Variants in ANKRD42 observed in about 807,000 individuals in gnomAD.
The protein encoded by ANKRD42 is ankyrin repeat domain-containing protein 42.
A neutral mutation model predicts 51.5 loss-of-function variants in ANKRD42; 43 were observed. The ratio of observed to expected loss-of-function variants is 0.83; its 90% CI spans 0.65 to 1.08. ANKRD42 has a LOEUF of 1.08. Among genes scored for constraint, ANKRD42 ranks in the 50% least tolerant of loss-of-function variants. The pLI is 0.00. For synonymous variants in ANKRD42, 203 were observed against 213.0 expected (o/e 0.95, Z 0.41); for missense variants, 608 against 629.3 (o/e 0.97, Z 0.36).
intron 6 of ANKRD42, among the ~76,000 whole-genome samples, chr11:83,225,412 C>T (rs923907619): frequency 6.6e-6 from 1 of 151,648 alleles, no homozygotes; most frequent in Admixed American, 6.6e-5. Flanking sequence ...ACAAAAAATA[C>T]AGAAATTAGC....
At chr11:83,203,675 A>G (rs762960748) in intron 2 of ANKRD42, among the ~76,000 whole-genome samples, 1 of 152,146 alleles carries the variant, frequency 6.6e-6, no homozygotes, top group Non-Finnish European at 1.5e-5. Context: ...TACAGGCATG[A>G]ACCACCGCGT....
At chr11:83,240,632 G>T in intron 8 of ANKRD42, 127 bp from the exon 9 acceptor site, 1 of 919,796 alleles carries the variant, frequency 1.1e-6, no homozygotes, top group Non-Finnish European at 1.6e-6. Flanking sequence ...TTCAGATTTT[G>T]GCTCCTTGGC....
downstream of ANKRD42, chr11:83,262,041 C>G: frequency 9.6e-7 from 1 of 1,044,956 alleles, no homozygotes; most frequent in South Asian, 1.6e-5. Context: ...ATAATGTTAT[C>G]TTTAAGTGAA....
chr11:83,205,874 AT>A (rs1862050263), intron 2 of ANKRD42, among the ~76,000 whole-genome samples, 183 bp from the exon 3 acceptor site: 2 of 152,196 alleles, frequency 1.3e-5, no homozygotes, highest in Non-Finnish European at 2.9e-5. Flanking sequence ...ACTAGTCTCT[AT>A]TGTTTACCCA....
At chr11:83,260,115 A>G (rs1863859955), downstream of ANKRD42, 1 of 152,230 alleles carries the variant, frequency 6.6e-6, no homozygotes, top group African/African-American at 2.4e-5. Flanking sequence ...ATGAAGAGTG[A>G]CGACAGTGTT....
chr11:83,248,625 A>C lies in ANKRD42; in HGVS notation c.*421A>C. The C allele has an allele frequency of 1.0e-6, 1 of 986,202 alleles. No individual in the cohort carries two copies. Among genetic ancestry groups the C allele is most frequent in the Non-Finnish European group, 1.2e-6 (1 of 830,492 alleles). 61.1% of individuals were successfully genotyped at this position (986,202 alleles called of 1,614,324 possible). A position where few individuals can be genotyped will look rare whatever the true frequency, so the allele number is the denominator to read the frequency against. ...TCTGTTTGAGGCTTGTGTCACCTCA[A>C]ATCTGATCTATTAATATTATAGAAT... On this transcript the variant is annotated 3_prime_UTR_variant, in exon 11 of 11. Coordinates refer to ENST00000533342, the MANE Select transcript of ANKRD42 (RefSeq NM_001300975.2).
downstream of ANKRD42, among the ~76,000 whole-genome samples, chr11:83,262,442 A>G (rs1427618603): frequency 6.6e-6 from 1 of 152,146 alleles, no homozygotes; most frequent in Non-Finnish European, 1.5e-5. Context: ...TTTAAACTCA[A>G]TGAGGTAGAA....
At chr11:83,207,275 G>C (rs1862113254) in intron 3 of ANKRD42, among the ~76,000 whole-genome samples, 1 of 152,162 alleles carries the variant, frequency 6.6e-6, no homozygotes. Context: ...TGGAGATTAT[G>C]GGAACTACAA....
In ANKRD42 at chr11:83,198,614, A is replaced by C. The variant is rs1338450573; in HGVS notation, c.194A>C (p.His65Pro). 6.2e-7 allele frequency: 1 copy of C among 1,606,314 alleles called. No individual in the cohort carries two copies. Among genetic ancestry groups the C allele is most frequent in the Non-Finnish European group, 8.5e-7 (1 of 1,175,998 alleles). ...LDVLHKFTPL[H>P]WAAHSGSLEC... ...GTTCTCCATAAGTTTACCCCTTTAC[A>C]TTGGGCAGCACATTCTGGAAGTTTG... The change falls in exon 2 of 11, where the codon CAT becomes CCT. Residue 65 changes from histidine to proline, a missense_variant. Physicochemically the swap from His to Pro is moderately conservative, Grantham distance 77 (BLOSUM62 -2). Coordinates refer to ENST00000533342, the MANE Select transcript of ANKRD42 (RefSeq NM_001300975.2).
chr11:83,257,365 C>T (rs747706813), downstream of ANKRD42: 1 of 453,114 alleles, frequency 2.2e-6, no homozygotes, highest in South Asian at 1.6e-5. Flanking sequence ...TCTTTGCTAG[C>T]TGGAGGGAAA....
downstream of ANKRD42, chr11:83,259,276 C>T (rs971481792): frequency 6.6e-6 from 1 of 152,148 alleles, no homozygotes; most frequent in African/African-American, 2.4e-5. Flanking sequence ...ATCCTCTCAT[C>T]CTTATTTCAT....
chr11:83,212,833 T>C, intron 5 of ANKRD42: 2 of 1,439,258 alleles, frequency 1.4e-6, no homozygotes, highest in Admixed American at 2.8e-5. Flanking sequence ...TCTTTTGGTA[T>C]GAACTCTTTC....
Position 83,248,431 on chromosome 11 carries a change from T to G in ANKRD42, c.*227T>G. 1 of 1,206,908 alleles carries G rather than the reference T, an allele frequency of 8.3e-7. No homozygotes were observed. Among genetic ancestry groups the G allele is most frequent in the Non-Finnish European group, 1.0e-6 (1 of 973,606 alleles). 74.8% of individuals were successfully genotyped at this position (1,206,908 alleles called of 1,614,324 possible). A position where few individuals can be genotyped will look rare whatever the true frequency, so the allele number is the denominator to read the frequency against. ...TTCATAAGTATTATTGTTAACATTGTACCATAGAAGGAGAAAATGTTTTCA... is the reference window on the plus strand; with the variant it reads ...TTCATAAGTATTATTGTTAACATTGGACCATAGAAGGAGAAAATGTTTTCA... On this transcript the variant is annotated 3_prime_UTR_variant, in exon 11 of 11. Coordinates refer to ENST00000533342, the MANE Select transcript of ANKRD42 (RefSeq NM_001300975.2).
chr11:83,212,961 T>C, intron 5 of ANKRD42: 1 of 1,558,874 alleles, frequency 6.4e-7, no homozygotes, highest in South Asian at 1.2e-5. Context: ...AGCCCCTCTC[T>C]CGGCGCTGCC....
chr11:83,214,181 G>C (rs961471265), intron 5 of ANKRD42: 3 of 155,488 alleles, frequency 1.9e-5, no homozygotes, highest in Non-Finnish European at 4.2e-5. Flanking sequence ...GAGCCACCGC[G>C]CTTGGCCAGA....
At position 83,198,652 on chromosome 11, in the gene ANKRD42, T is replaced by C. The variant is rs1417943961; in HGVS notation, c.222+10T>C. On this transcript the variant is annotated intron_variant, in intron 2 of 10. Coordinates refer to ENST00000533342, the MANE Select transcript of ANKRD42 (RefSeq NM_001300975.2). ...TTCTGGAAGTTTGGAGGTAAGAAACTATACATATCACTAAACTGAGGTAAG... is the reference window on the plus strand; with the variant it reads ...TTCTGGAAGTTTGGAGGTAAGAAACCATACATATCACTAAACTGAGGTAAG... 1.9e-6 allele frequency: 3 copies of C among 1,566,102 alleles called. No individual in the cohort carries two copies. The highest frequency in any genetic ancestry group is 2.6e-6 in the Non-Finnish European group (3 of 1,155,020).
downstream of ANKRD42, among the ~76,000 whole-genome samples, chr11:83,263,120 A>C (rs184980820): frequency 2.0e-5 from 3 of 152,164 alleles, no homozygotes; most frequent in African/African-American, 4.8e-5. Context: ...CACACACACA[A>C]AATTTGTGAT....
At chr11:83,203,684 G>A (rs774009775) in intron 2 of ANKRD42, among the ~76,000 whole-genome samples, 43 of 151,980 alleles carry the variant, frequency 2.8e-4, no homozygotes, top group Non-Finnish European at 5.0e-4. Context: ...GAACCACCGC[G>A]TCTGGCCCTA....
intron 8 of ANKRD42, among the ~76,000 whole-genome samples, chr11:83,238,213 C>A (rs570435858): frequency 2.0e-5 from 3 of 152,290 alleles, no homozygotes; most frequent in African/African-American, 7.2e-5. Context: ...GGTTGAAGGG[C>A]ATCTTGATTG....
Sources: gnomAD v4.1 joint callset for allele counts (sites outside exome capture counted in the v4.1 genomes callset) on GRCh38, gnomAD v4.1.1 for gene constraint, MANE v1.5 for transcripts, NCBI Gene and HGNC (gene_info 2026-07-23, HGNC 2026-07-21) for gene names.